MACROD2: variants seen among roughly 807,000 people sequenced by gnomAD.
The protein encoded by MACROD2 is mono-ADP ribosylhydrolase 2.
A neutral mutation model predicts 70.4 loss-of-function variants in MACROD2; 36 were observed. The observed-to-expected ratio is 0.51, with a 90% CI of 0.39 to 0.68. MACROD2 has a LOEUF of 0.68. Ranked by LOEUF, MACROD2 falls within the 30% of genes least tolerant of loss-of-function variation. MACROD2 has a pLI of 0.00. For missense variants in MACROD2, 496 were observed against 538.4 expected, an observed-to-expected ratio of 0.92 and a Z score of 0.78; for synonymous variants, 172 against 178.8, an observed-to-expected ratio of 0.96 and a Z score of 0.30.
intron 6 of MACROD2, among the ~76,000 whole-genome samples, chr20:15,302,371 C>CAT (rs2077654026): frequency 3.2e-5 from 2 of 61,856 alleles, no homozygotes; most frequent in Non-Finnish European, 6.4e-5. Flanking sequence ...TACACACACA[C>CAT]ACACACACAC....
intron 3 of MACROD2, among the ~76,000 whole-genome samples, chr20:14,147,313 G>T (rs2054955034): frequency 6.6e-6 from 1 of 152,110 alleles, no homozygotes; most frequent in African/African-American, 2.4e-5. Flanking sequence ...TTCTTTCCTT[G>T]CCATTCATTC....
chr20:15,240,281 T>C (rs1185735874), intron 6 of MACROD2, among the ~76,000 whole-genome samples: 1 of 152,244 alleles, frequency 6.6e-6, no homozygotes, highest in East Asian at 1.9e-4. Flanking sequence ...CCTGCCTATA[T>C]CTCAAAATCT....
chr20:14,743,625 A>G (rs1325334070), intron 5 of MACROD2, among the ~76,000 whole-genome samples: 6 of 152,300 alleles, frequency 3.9e-5, no homozygotes, highest in Admixed American at 3.9e-4. Flanking sequence ...CAAAATAATA[A>G]ATTTGTGTAG....
At chr20:14,321,956 C>T (rs1357503517) in intron 3 of MACROD2, among the ~76,000 whole-genome samples, 1 of 150,996 alleles carries the variant, frequency 6.6e-6, no homozygotes, top group Non-Finnish European at 1.5e-5. Context: ...AATTTTTTTC[C>T]TCTAGTTTTT....
At chr20:14,084,215 T>C (rs1312982916) in intron 2 of MACROD2, among the ~76,000 whole-genome samples, 2 of 151,894 alleles carry the variant, frequency 1.3e-5, no homozygotes, top group African/African-American at 4.8e-5. Flanking sequence ...GGGTGTATTG[T>C]GGTCCAAAGA....
chr20:14,906,934 G>A (rs2073966423), intron 5 of MACROD2, among the ~76,000 whole-genome samples: 1 of 152,166 alleles, frequency 6.6e-6, no homozygotes, highest in Non-Finnish European at 1.5e-5. Flanking sequence ...AAAGTCCACA[G>A]AAGAAGGCTA....
At position 15,582,302 on chromosome 20, in the gene MACROD2, A is replaced by G. The variant is rs1278850751; in HGVS notation, c.645+82455A>G. Among the ~76,000 whole-genome samples, 13 of 152,154 alleles carry G rather than the reference A, an allele frequency of 8.5e-5. No homozygotes were observed. In the East Asian group the frequency reaches 2.5e-3, roughly 29 times the overall value. On this transcript the variant is annotated intron_variant, in intron 8 of 17. Coordinates refer to ENST00000684519, the MANE Select transcript of MACROD2 (RefSeq NM_001351661.2). ...CAAAGCAGAGTGCAGAAGGGTGAAT[A>G]TACATTTATTGGATAAATTAACTAG... is the stretch of plus-strand genomic sequence containing the variant.
intron 3 of MACROD2, among the ~76,000 whole-genome samples, chr20:14,181,487 T>C (rs1373414786): frequency 6.6e-6 from 1 of 152,112 alleles, no homozygotes; most frequent in Non-Finnish European, 1.5e-5. Flanking sequence ...CAAGATACAG[T>C]TCACGTACCA....
chr20:14,967,841 A>G (rs1368346645), intron 5 of MACROD2, among the ~76,000 whole-genome samples: 1 of 152,142 alleles, frequency 6.6e-6, no homozygotes. Context: ...AATAGTAATT[A>G]CTACTGTCCA....
At chr20:15,292,820 A>C (rs895891612) in intron 6 of MACROD2, among the ~76,000 whole-genome samples, 1 of 152,162 alleles carries the variant, frequency 6.6e-6, no homozygotes, top group African/African-American at 2.4e-5. Flanking sequence ...TAATGCTTCC[A>C]TTCAACTGTA....
chr20:14,644,909 AAGGGAGTGT>A (rs1473428251), intron 4 of MACROD2, among the ~76,000 whole-genome samples: 1 of 152,158 alleles, frequency 6.6e-6, no homozygotes, highest in Non-Finnish European at 1.5e-5. Context: ...AGTGGCATGG[AAGGGAGTGT>A]AGGCAGGAAA....
intron 5 of MACROD2, among the ~76,000 whole-genome samples, chr20:14,793,453 C>T (rs1465672166): frequency 1.3e-5 from 2 of 151,796 alleles, no homozygotes; most frequent in East Asian, 1.9e-4. Context: ...CCATGCCCCC[C>T]GCCAGCATAT....
At chr20:15,160,466 G>A (rs2076340719) in intron 5 of MACROD2, among the ~76,000 whole-genome samples, 1 of 152,126 alleles carries the variant, frequency 6.6e-6, no homozygotes, top group Non-Finnish European at 1.5e-5. Flanking sequence ...ATTTTCTGAA[G>A]AAGTACTAGT....
At chr20:15,013,143 G>A (rs888554496) in intron 5 of MACROD2, among the ~76,000 whole-genome samples, 6 of 152,080 alleles carry the variant, frequency 3.9e-5, no homozygotes, top group African/African-American at 1.4e-4. Context: ...ATTTCTCCCA[G>A]GCCTGGCCAG....
intron 5 of MACROD2, among the ~76,000 whole-genome samples, chr20:15,133,618 T>C (rs1488506491): frequency 6.6e-6 from 1 of 152,088 alleles, no homozygotes; most frequent in Non-Finnish European, 1.5e-5. Context: ...TATCAGAAAT[T>C]TTGGTCATAC....
chr20:15,821,909 G>A (rs1014700755), intron 8 of MACROD2, among the ~76,000 whole-genome samples: 2 of 152,234 alleles, frequency 1.3e-5, no homozygotes, highest in Middle Eastern at 3.4e-3. Context: ...TGAAGAGTGT[G>A]AAAACTGCAT....
intron 4 of MACROD2, among the ~76,000 whole-genome samples, chr20:14,587,604 T>G (rs1981469369): frequency 6.6e-6 from 1 of 151,916 alleles, no homozygotes; most frequent in African/African-American, 2.4e-5. Flanking sequence ...GAGAAATGAT[T>G]GTTTTATTAA....
chr20:14,111,350 A>T (rs2054448742), intron 3 of MACROD2, among the ~76,000 whole-genome samples: 2 of 152,034 alleles, frequency 1.3e-5, no homozygotes, highest in Non-Finnish European at 2.9e-5. Context: ...ACCAAAGCAA[A>T]CATGGACAAA....
At chr20:16,003,271 G>A (rs1184516285) in intron 15 of MACROD2, among the ~76,000 whole-genome samples, 4 of 152,018 alleles carry the variant, frequency 2.6e-5, no homozygotes, top group Non-Finnish European at 4.4e-5. Context: ...GCTCCCCTTC[G>A]AGTATATTTC....
Sources: gnomAD v4.1 joint callset for allele counts (sites outside exome capture counted in the v4.1 genomes callset) on GRCh38, gnomAD v4.1.1 for gene constraint, MANE v1.5 for transcripts, NCBI Gene and HGNC (gene_info 2026-07-23, HGNC 2026-07-21) for gene names.